Variants in NGFR observed in about 807,000 individuals in gnomAD.
NGFR encodes the protein nerve growth factor receptor.
In NGFR, 30 loss-of-function variants were observed where a neutral mutation model predicts 43.2. The observed-to-expected ratio is 0.69, with a 90% CI of 0.52 to 0.94. NGFR has a LOEUF of 0.94. Among genes scored for constraint, NGFR ranks in the 40% least tolerant of loss-of-function variants. NGFR has a pLI of 0.00. For missense variants in NGFR, 529 were observed against 602.5 expected (o/e 0.88, Z 1.28); for synonymous variants, 246 against 259.6 (o/e 0.95, Z 0.50).
Position 49,512,714 on chromosome 17 carries a change from A to G in NGFR, c.989A>G (p.Lys330Arg). 12 of 1,597,464 alleles carry G rather than the reference A, an allele frequency of 7.5e-6. No individual in the cohort carries two copies. Among genetic ancestry groups the G allele is most frequent in the Non-Finnish European group, 1.0e-5 (12 of 1,171,618 alleles). The part of the protein sequence containing the change: ...HTQTASGQAL[K>R]GDGGLYSSLP... The stretch of plus-strand genomic sequence containing the variant: ...TCCTCTGGTTTCTCTGCAGCCCTCA[A>G]GGGTGACGGAGGCCTCTACAGCAGC... Residue 330 changes from lysine to arginine, a missense_variant, in exon 6 of 6, where the codon AAG becomes AGG. Lys to Arg is a conservative substitution (Grantham distance 26). Coordinates refer to ENST00000172229, the MANE Select transcript of NGFR (RefSeq NM_002507.4). The surrounding 1 kb of genome is among the most constrained non-coding windows in gnomAD (Gnocchi z 5.2).
intron 3 of NGFR, among the ~76,000 whole-genome samples, chr17:49,507,533 G>A (rs1326027250): frequency 6.6e-6 from 1 of 152,234 alleles, no homozygotes; most frequent in Non-Finnish European, 1.5e-5. Flanking sequence ...AGGAGATGGG[G>A]TGGTTCTTGG....
chr17:49,511,862 C>T, intron 4 of NGFR, 30 bp from the exon 5 acceptor site: 1 of 1,562,468 alleles, frequency 6.4e-7, no homozygotes, highest in African/African-American at 1.4e-5. Flanking sequence ...CCCCTCGCCC[C>T]CTGAAACCTG....
intron 2 of NGFR, among the ~76,000 whole-genome samples, chr17:49,502,874 C>T (rs537312888): frequency 3.1e-4 from 28 of 90,296 alleles, no homozygotes; most frequent in East Asian, 1.7e-3. Context: ...CTTCCTTTCT[C>T]TCTCTCTCTT....
intron 2 of NGFR, chr17:49,506,005 T>A: frequency 2.2e-6 from 1 of 459,654 alleles, no homozygotes; most frequent in Non-Finnish European, 3.8e-6. Flanking sequence ...TCAAAGAGAA[T>A]TTGCCAAGAA....
intron 1 of NGFR, among the ~76,000 whole-genome samples, chr17:49,500,053 TAA>T (rs79269804): frequency 2.0e-4 from 26 of 132,148 alleles, no homozygotes; most frequent in Admixed American, 3.0e-4. Flanking sequence ...AAAGCTATAT[TAA>T]AAAAAAAAAA....
chr17:49,513,331 G>A lies in NGFR; in HGVS notation c.*322G>A, dbSNP rs150033528. On this transcript the variant is annotated 3_prime_UTR_variant, in exon 6 of 6. Transcript: ENST00000172229. ...AGGTGGGCCAGCCCCTCCCACCACA[G>A]CAGGTGTCATATATGGGGGGCCAAC... 1.6e-5 allele frequency: 6 copies of A among 378,918 alleles called. No individual in the cohort carries two copies. The highest frequency in any genetic ancestry group is 1.0e-4 in the African/African-American group (5 of 49,162). The allele number at this position is 378,918 out of a possible 1,614,324, so 23.5% of individuals were successfully genotyped here.
In NGFR at chr17:49,513,096, G is replaced by T. The variant is rs924988724; in HGVS notation, c.*87G>T. 7.4e-6 allele frequency: 10 copies of T among 1,351,756 alleles called. No homozygotes were observed. The highest frequency in any genetic ancestry group is 2.8e-5 in the Admixed American group (1 of 35,102). 83.7% of individuals were successfully genotyped at this position (1,351,756 alleles called of 1,614,324 possible). On this transcript the variant is annotated 3_prime_UTR_variant, in exon 6 of 6. Transcript: ENST00000172229. ...TGTGGAGCCCGCACCCCCACCCTTT[G>T]GGGGGGGCCCGCCTGGCAGAACTGA...
chr17:49,501,998 G>GTTGGGGGCCCCCCCCCC, intron 1 of NGFR, 65 bp from the exon 2 acceptor site: 1 of 508,524 alleles, frequency 2.0e-6, no homozygotes, highest in Non-Finnish European at 3.6e-6. Flanking sequence ...TTCCCCGGAA[G>GTTGGGGGCCCCCCCCCC]AACCCCCCCC....
intron 2 of NGFR, 119 bp from the exon 3 acceptor site, chr17:49,506,180 A>G: frequency 6.8e-7 from 1 of 1,476,992 alleles, no homozygotes; most frequent in Non-Finnish European, 8.9e-7. Flanking sequence ...GGAGCCGATG[A>G]GAAGGCTGAA....
rs752470734 is a variant in NGFR at position 49,510,559 on chromosome 17, C to T, written c.716C>T (p.Ser239Phe). The change falls in exon 4 of 6, where the codon TCC (serine) becomes TTC (phenylalanine). Residue 239 changes from serine to phenylalanine, a missense_variant. Physicochemically the swap from Ser to Phe is radical, Grantham distance 155. Transcript: ENST00000172229. ...AGVVTTVMGS[S>F]QPVVTRGTTD... ...GTGGTGACCACAGTGATGGGCAGCT[C>T]CCAGCCCGTGGTGACCCGAGGCACC... 11 of 1,614,000 alleles carry T rather than the reference C, an allele frequency of 6.8e-6. No homozygotes were observed. Among genetic ancestry groups the T allele is most frequent in the Admixed American group, 5.0e-5 (3 of 60,000 alleles).
At chr17:49,508,754 C>T (rs11466144) in intron 3 of NGFR, among the ~76,000 whole-genome samples, 17 of 151,988 alleles carry the variant, frequency 1.1e-4, no homozygotes, top group South Asian at 2.1e-4. Context: ...CTCATCCCCC[C>T]GCCCCCGTCA....
At chr17:49,502,815 T>TTCCTTC (rs1555564722) in intron 2 of NGFR, among the ~76,000 whole-genome samples, 8 of 121,590 alleles carry the variant, frequency 6.6e-5, no homozygotes, top group Non-Finnish European at 1.4e-4. Flanking sequence ...GCCTGGGATT[T>TTCCTTC]CTTCCTTCCT....
chr17:49,508,656 G>A (rs1182646358), intron 3 of NGFR, among the ~76,000 whole-genome samples: 1 of 152,198 alleles, frequency 6.6e-6, no homozygotes, highest in East Asian at 1.9e-4. Context: ...GGGATAACCT[G>A]GTCCCTCCAT....
chr17:49,509,440 G>C (rs2071218527), intron 3 of NGFR, among the ~76,000 whole-genome samples: 1 of 152,212 alleles, frequency 6.6e-6, no homozygotes, highest in African/African-American at 2.4e-5. Context: ...GCCGTCCAGA[G>C]CCCACAACCC....
chr17:49,513,343 T>G lies in NGFR; in HGVS notation c.*334T>G. 6.1e-6 allele frequency: 2 copies of G among 329,206 alleles called. No homozygotes were observed. The highest frequency in any genetic ancestry group is 5.6e-6 in the Non-Finnish European group (1 of 178,168). 20.4% of individuals were successfully genotyped at this position (329,206 alleles called of 1,614,324 possible). ...CCCTCCCACCACAGCAGGTGTCATA[T>G]ATGGGGGGCCAACACCAGGGATGGT... On this transcript the variant is annotated 3_prime_UTR_variant, in exon 6 of 6. Coordinates refer to ENST00000172229, the MANE Select transcript of NGFR (RefSeq NM_002507.4).
intron 2 of NGFR, among the ~76,000 whole-genome samples, chr17:49,504,433 C>T (rs1476097009): frequency 1.3e-5 from 2 of 152,234 alleles, no homozygotes; most frequent in Non-Finnish European, 2.9e-5. Flanking sequence ...ATGTCCTCAT[C>T]GCTCTCCACC....
At chr17:49,503,651 C>T (rs1406838325) in intron 2 of NGFR, among the ~76,000 whole-genome samples, 1 of 152,188 alleles carries the variant, frequency 6.6e-6, no homozygotes, top group Non-Finnish European at 1.5e-5. Flanking sequence ...TCCTGTAACA[C>T]CATTCCCCAG....
chr17:49,509,103 G>A (rs546200168), intron 3 of NGFR, among the ~76,000 whole-genome samples: 1 of 152,224 alleles, frequency 6.6e-6, no homozygotes, highest in Non-Finnish European at 1.5e-5. Context: ...GACGGAGACG[G>A]GGAAGGGTGG....
At chr17:49,506,682 G>GT in intron 3 of NGFR, 24 bp downstream of exon 3, 1 of 1,174,412 alleles carries the variant, frequency 8.5e-7, no homozygotes, top group Non-Finnish European at 1.1e-6. Context: ...GGGGGGCGGG[G>GT]GGAGTGGGGG....
Sources: gnomAD v4.1 joint callset for allele counts (sites outside exome capture counted in the v4.1 genomes callset) on GRCh38, gnomAD v4.1.1 for gene constraint, Gnocchi (gnomAD v3.1) non-coding constraint, MANE v1.5 for transcripts, NCBI Gene and HGNC (gene_info 2026-07-23, HGNC 2026-07-21) for gene names.